Variants in COL5A3 observed in about 807,000 individuals in gnomAD.
The protein encoded by COL5A3 is collagen alpha-3(V) chain.
COL5A3 carries 172 observed loss-of-function variants against 250.0 expected under a neutral mutation model. The observed-to-expected ratio is 0.69, with a 90% CI of 0.61 to 0.78. COL5A3 has a LOEUF of 0.78. Among genes scored for constraint, COL5A3 ranks in the 30% least tolerant of loss-of-function variants. COL5A3 has a pLI of 0.00. For missense variants in COL5A3, 2,340 were observed against 2,334.4 expected, an observed-to-expected ratio of 1.00 and a Z score of -0.05; for synonymous variants, 937 against 900.4, an observed-to-expected ratio of 1.04 and a Z score of -0.73.
chr19:10,001,246 A>C (rs2087355955), intron 8 of COL5A3, among the ~76,000 whole-genome samples: 1 of 152,028 alleles, frequency 6.6e-6, no homozygotes, highest in Non-Finnish European at 1.5e-5. Context: ...CCCGGGTTCA[A>C]GCAATTCTCC....
chr19:10,005,221 G>C (rs2145145227), intron 4 of COL5A3, among the ~76,000 whole-genome samples: 1 of 152,254 alleles, frequency 6.6e-6, no homozygotes. Flanking sequence ...GCTGGGCGTG[G>C]TGGCACACAC....
chr19:9,976,898 T>A (rs1365289717), intron 44 of COL5A3, among the ~76,000 whole-genome samples: 2 of 151,736 alleles, frequency 1.3e-5, no homozygotes, highest in Non-Finnish European at 2.9e-5. Context: ...GGGGGGAAGT[T>A]GGGTATCAGA....
At chr19:9,982,195 T>G (rs1184291404) in intron 31 of COL5A3, 77 bp from the exon 32 acceptor site, 2 of 955,856 alleles carry the variant, frequency 2.1e-6, no homozygotes, top group Non-Finnish European at 3.1e-6. Context: ...CATACCATCC[T>G]TTGAGGCATT....
At chr19:9,973,463 G>T (rs932499446) in intron 50 of COL5A3, 107 bp downstream of exon 50, 4 of 1,124,836 alleles carry the variant, frequency 3.6e-6, no homozygotes, top group African/African-American at 3.1e-5. Flanking sequence ...ACAGGACAGG[G>T]GTGAGTGGAT....
At chr19:9,990,044 G>T (rs2087163046) in intron 24 of COL5A3, among the ~76,000 whole-genome samples, 1 of 148,998 alleles carries the variant, frequency 6.7e-6, no homozygotes, top group African/African-American at 2.5e-5. Flanking sequence ...GAGCCACTGT[G>T]CCCGCCTTCC....
chr19:9,981,206 C>G, intron 32 of COL5A3, 74 bp from the exon 33 acceptor site: 1 of 1,372,762 alleles, frequency 7.3e-7, no homozygotes, highest in East Asian at 2.3e-5. Flanking sequence ...CAAAAAGACA[C>G]CCAGTCACAG....
chr19:10,004,197 TTA>T (rs1456101260), intron 4 of COL5A3, 52 bp from the exon 5 acceptor site: 1 of 1,382,442 alleles, frequency 7.2e-7, no homozygotes, highest in South Asian at 1.2e-5. Flanking sequence ...AGCCATAGGC[TTA>T]CTCTGACCCC....
rs1220739230 is a variant in COL5A3 at position 9,960,254 on chromosome 19, C to A, written c.*157G>T. 3 of 929,454 alleles carry A rather than the reference C, an allele frequency of 3.2e-6. No homozygotes were observed. Among genetic ancestry groups the A allele is most frequent in the Non-Finnish European group, 3.2e-6 (2 of 625,136 alleles). 57.6% of individuals were successfully genotyped at this position (929,454 alleles called of 1,614,324 possible). A position where few individuals can be genotyped will look rare whatever the true frequency, so the allele number is the denominator to read the frequency against. ...GCCAGGGAACCCCAGCCCCCAGCAC[C>A]CTGGAAAGGAGAAGGAATGACTGTC... is the stretch of plus-strand genomic sequence containing the variant. On this transcript the variant is annotated 3_prime_UTR_variant, in exon 67 of 67. Coordinates refer to ENST00000264828, the MANE Select transcript of COL5A3 (RefSeq NM_015719.4).
intron 65 of COL5A3, among the ~76,000 whole-genome samples, chr19:9,961,651 C>A (rs549161406): frequency 6.6e-6 from 1 of 151,334 alleles, no homozygotes; most frequent in East Asian, 1.9e-4. Flanking sequence ...CTCCGCCTCC[C>A]GGGTTCACGC....
Position 9,993,070 on chromosome 19 carries a change from G to A in COL5A3, c.1750-3C>T, listed in dbSNP as rs2087217244. 1.2e-6 allele frequency: 2 copies of A among 1,613,726 alleles called. No individual in the cohort carries two copies. Among genetic ancestry groups the A allele is most frequent in the East Asian group, 2.2e-5 (1 of 44,876 alleles). On this transcript the variant is annotated splice_polypyrimidine_tract_variant and splice_region_variant and intron_variant, in intron 19 of 66. Coordinates refer to ENST00000264828, the MANE Select transcript of COL5A3 (RefSeq NM_015719.4). ...GGCCCTGGAGGTCCCTCTGCTCCCTGTGGAAAAGCGTCATTACTTGGGAAC... is the reference window on the plus strand; with the variant it reads ...GGCCCTGGAGGTCCCTCTGCTCCCTATGGAAAAGCGTCATTACTTGGGAAC...
At chr19:9,979,546 T>C in intron 37 of COL5A3, 129 bp from the exon 38 acceptor site, 1 of 989,174 alleles carries the variant, frequency 1.0e-6, no homozygotes, top group Non-Finnish European at 1.6e-6. Flanking sequence ...TCCCAGCACT[T>C]TGGGAGGCAG....
chr19:9,991,992 CA>C lies in COL5A3; in HGVS notation c.1893+11del. The C allele has an allele frequency of 6.2e-7, 1 of 1,610,616 alleles. No homozygotes were observed. The highest frequency in any genetic ancestry group is 8.5e-7 in the Non-Finnish European group (1 of 1,177,098). On this transcript the variant is annotated intron_variant, in intron 22 of 66. Transcript: ENST00000264828. ...CAGAAGGGTCAGAGGTCAAAGGGCA[CA>C]GGGCACATACCACATTGCCTTTGGC...
chr19:9,990,404 A>C (rs1209293251), intron 24 of COL5A3, among the ~76,000 whole-genome samples: 3 of 151,700 alleles, frequency 2.0e-5, no homozygotes, highest in East Asian at 3.9e-4. Context: ...AAAAAAAAAA[A>C]AAAACTAAAA....
chr19:9,994,609 G>C (rs116986656), intron 16 of COL5A3, among the ~76,000 whole-genome samples: 4,221 of 64,760 alleles, frequency 0.065, 227 homozygotes, highest in Middle Eastern at 0.13. Flanking sequence ...TATATATATG[G>C]TCACATGTCA....
chr19:9,994,559 CATATATATATATATATATATAT>C (rs57642882), intron 16 of COL5A3, among the ~76,000 whole-genome samples: 3,914 of 70,706 alleles, frequency 0.055, 328 homozygotes, highest in African/African-American at 0.14. Flanking sequence ...ATATGTTTTA[CATATATATATATATATATATAT>C]ATATATATAT....
At chr19:9,994,270 C>T in intron 16 of COL5A3, among the ~76,000 whole-genome samples, 1 of 149,818 alleles carries the variant, frequency 6.7e-6, no homozygotes, top group East Asian at 2.0e-4. Flanking sequence ...GCTTCGAATT[C>T]CTGGCTCAAG....
rs2086765691 is a variant in COL5A3, at chr19:9,967,370, G to A, written c.4435C>T (p.Pro1479Ser). Reference sequence around the variant, plus strand: ...ACCGGGGGGCCTGGTGGGCCTGCAGGTCCAGTGTCTCCACGGGGGCCCATG... The same window carrying A: ...ACCGGGGGGCCTGGTGGGCCTGCAGATCCAGTGTCTCCACGGGGGCCCATG... ...GSMGPRGDTG[P>S]AGPPGPPGAP... The change falls in exon 62 of 67, where the codon CCT (proline) becomes TCT (serine). Residue 1479 changes from proline (P) to serine (S), a missense_variant. This residue lies in a region of COL5A3 where 1,179 missense variants were observed against 1,162.6 expected (regional missense o/e 1.01). Coordinates refer to ENST00000264828, the MANE Select transcript of COL5A3 (RefSeq NM_015719.4). The A allele has an allele frequency of 4.8e-6, 7 of 1,464,520 alleles. No homozygotes were observed. The highest frequency in any genetic ancestry group is 1.5e-5 in the African/African-American group (1 of 67,174). 90.7% of individuals were successfully genotyped at this position (1,464,520 alleles called of 1,614,324 possible).
intron 65 of COL5A3, among the ~76,000 whole-genome samples, chr19:9,961,766 G>A (rs1000608595): frequency 2.0e-5 from 3 of 152,018 alleles, no homozygotes; most frequent in African/African-American, 4.8e-5. Flanking sequence ...CACCATGTTA[G>A]CCAGGATGGT....
chr19:9,984,999 A>G (rs1373999687), intron 31 of COL5A3, among the ~76,000 whole-genome samples: 1 of 124,916 alleles, frequency 8.0e-6, no homozygotes, highest in Non-Finnish European at 1.6e-5. Context: ...ACCAGGCTGG[A>G]GTTCAGTGGT....
Sources: gnomAD v4.1 joint callset for allele counts (sites outside exome capture counted in the v4.1 genomes callset) on GRCh38, gnomAD v4.1.1 for gene constraint, gnomAD v4.1.1 regional missense constraint, MANE v1.5 for transcripts, NCBI Gene and HGNC (gene_info 2026-07-23, HGNC 2026-07-21) for gene names.